ZNF407: variants seen among roughly 807,000 people sequenced by gnomAD.
ZNF407 encodes zinc finger protein 407.
ZNF407 carries 17 observed loss-of-function variants against 131.2 expected under a neutral mutation model. The ratio of observed to expected loss-of-function variants is 0.13; its 90% CI spans 0.09 to 0.19. ZNF407 has a LOEUF of 0.19. Ranked by LOEUF, ZNF407 falls within the 10% of genes least tolerant of loss-of-function variation. The pLI is 1.00. For synonymous variants in ZNF407, 1,156 were observed against 1,062.0 expected, an observed-to-expected ratio of 1.09 and a Z score of -1.72; for missense variants, 2,681 against 2,830.6, an observed-to-expected ratio of 0.95 and a Z score of 1.20.
rs1971174058 is a variant in ZNF407, at chr18:74,877,381, C to T, written c.5044+18C>T. On this transcript the variant is annotated intron_variant, in intron 5 of 8. Transcript: ENST00000299687. ...GCACACAGGTGTGCCGCGCCGCCTT[C>T]CTATCCCAGGAGGCTGGGCAGAGGT... 1.2e-6 allele frequency: 2 copies of T among 1,608,476 alleles called. No individual in the cohort carries two copies. The highest frequency in any genetic ancestry group is 2.2e-5 in the East Asian group (1 of 44,776).
chr18:74,657,093 T>G (rs1276826086), intron 3 of ZNF407, among the ~76,000 whole-genome samples: 1 of 151,912 alleles, frequency 6.6e-6, no homozygotes, highest in East Asian at 1.9e-4. Context: ...TTTTTTTTTT[T>G]TTTTTTAATT....
intron 3 of ZNF407, among the ~76,000 whole-genome samples, chr18:74,657,496 A>G (rs570394723): frequency 4.6e-5 from 7 of 152,294 alleles, no homozygotes; most frequent in African/African-American, 1.7e-4. Context: ...ATTTGATGTG[A>G]TAAACCTGGT....
intron 8 of ZNF407, among the ~76,000 whole-genome samples, chr18:74,967,445 G>T (rs1319946818): frequency 1.3e-5 from 2 of 152,098 alleles, no homozygotes; most frequent in Admixed American, 1.3e-4. Context: ...TGCAGTTTTA[G>T]TACTTAAAAA....
intron 5 of ZNF407, among the ~76,000 whole-genome samples, chr18:74,879,776 A>G (rs1971213453): frequency 1.3e-5 from 2 of 152,218 alleles, no homozygotes; most frequent in Admixed American, 1.3e-4. Context: ...ATTAAGCGTA[A>G]TTTGGTTAAA....
intron 8 of ZNF407, among the ~76,000 whole-genome samples, chr18:74,937,528 A>G (rs1215547484): frequency 6.6e-6 from 1 of 152,172 alleles, no homozygotes; most frequent in Non-Finnish European, 1.5e-5. Flanking sequence ...CACCATCCCA[A>G]AAGTTTTATC....
At chr18:74,791,770 C>T (rs1969829887) in intron 4 of ZNF407, among the ~76,000 whole-genome samples, 1 of 152,144 alleles carries the variant, frequency 6.6e-6, no homozygotes, top group South Asian at 2.1e-4. Context: ...AGGCGTTTAT[C>T]CTGTCTCCAG....
chr18:74,898,970 C>T (rs2145205783), intron 7 of ZNF407, among the ~76,000 whole-genome samples: 1 of 152,284 alleles, frequency 6.6e-6, no homozygotes, highest in South Asian at 2.1e-4. Flanking sequence ...AGACTCTGTT[C>T]CACTCTGCAC....
chr18:74,864,520 G>C (rs537159813), intron 4 of ZNF407, among the ~76,000 whole-genome samples: 175 of 152,238 alleles, frequency 1.1e-3, no homozygotes, highest in Non-Finnish European at 1.4e-3. Context: ...TAACTTATCA[G>C]AACACTTCTC....
chr18:74,714,324 G>T (rs1452552371), intron 3 of ZNF407, among the ~76,000 whole-genome samples: 1 of 152,192 alleles, frequency 6.6e-6, no homozygotes, highest in Non-Finnish European at 1.5e-5. Flanking sequence ...GGCTCTGTGG[G>T]ATACTGATGG....
At chr18:75,035,875 T>C (rs1973302488) in intron 8 of ZNF407, among the ~76,000 whole-genome samples, 1 of 152,248 alleles carries the variant, frequency 6.6e-6, no homozygotes. Flanking sequence ...TAGGTATTAG[T>C]GTCAAGAAGA....
At position 75,033,160 on chromosome 18, in the gene ZNF407, C is replaced by A. The variant is rs560518057; in HGVS notation, c.5429-29990C>A. On this transcript the variant is annotated intron_variant, in intron 8 of 8. Transcript: ENST00000299687. ...GGAAGACAGTATTAGATAACTAAGA[C>A]TGCTCAGAATGGGGGGAAGACAGTA... Among the ~76,000 whole-genome samples, 701 of 79,946 alleles carry A rather than the reference C, an allele frequency of 8.8e-3. 7 individuals are homozygous for A. The highest frequency in any genetic ancestry group is 0.034 in the African/African-American group (677 of 19,676). The allele number at this position is 79,946 out of a possible 152,430, so 52.4% of individuals were successfully genotyped here. A position where few individuals can be genotyped will look rare whatever the true frequency, so the allele number is the denominator to read the frequency against.
At chr18:74,843,392 C>T (rs1970660757) in intron 4 of ZNF407, among the ~76,000 whole-genome samples, 1 of 152,110 alleles carries the variant, frequency 6.6e-6, no homozygotes, top group South Asian at 2.1e-4. Context: ...TTTACCTTAA[C>T]ACAAATTTGA....
At chr18:74,788,465 C>T (rs979305663) in intron 4 of ZNF407, among the ~76,000 whole-genome samples, 22 of 152,020 alleles carry the variant, frequency 1.4e-4, no homozygotes, top group East Asian at 5.8e-4. Flanking sequence ...TTTAAAAACA[C>T]GCTTGCTTCT....
At chr18:74,807,624 T>C (rs900779816) in intron 4 of ZNF407, among the ~76,000 whole-genome samples, 3 of 152,172 alleles carry the variant, frequency 2.0e-5, no homozygotes, top group African/African-American at 7.2e-5. Flanking sequence ...TAAAGTAATA[T>C]TTGTACCACT....
intron 8 of ZNF407, among the ~76,000 whole-genome samples, chr18:75,055,128 T>G (rs1174243095): frequency 6.6e-6 from 1 of 152,192 alleles, no homozygotes; most frequent in African/African-American, 2.4e-5. Context: ...CCACCACTCC[T>G]CCCCGTGCTT....
Position 75,064,703 on chromosome 18 carries a change from G to T in ZNF407, c.*235G>T. On this transcript the variant is annotated 3_prime_UTR_variant, in exon 9 of 9. Coordinates refer to ENST00000299687, the MANE Select transcript of ZNF407 (RefSeq NM_017757.3). The stretch of plus-strand genomic sequence containing the variant: ...TGCCAAGTGCAGGGGAGGGCCGGGC[G>T]CAGGCCGCACAGGGAGCTCCGGTCC... 1 of 440,114 alleles carries T rather than the reference G, an allele frequency of 2.3e-6. No individual in the cohort carries two copies. Among genetic ancestry groups the T allele is most frequent in the Non-Finnish European group, 4.0e-6 (1 of 250,060 alleles). The allele number at this position is 440,114 out of a possible 1,614,324, so 27.3% of individuals were successfully genotyped here.
At position 74,766,988 on chromosome 18, in the gene ZNF407, T is replaced by C. The variant is rs60264198; in HGVS notation, c.4803-14440T>C. On this transcript the variant is annotated intron_variant, in intron 3 of 8. Transcript: ENST00000299687. ...GTGCGGTGGCACAGTCTCTGCTCAC[T>C]GCAACCTCCGTCTGCCAGCTTCAAG... is the stretch of plus-strand genomic sequence containing the variant. Among the ~76,000 whole-genome samples, 348 of 152,326 alleles carry C rather than the reference T, an allele frequency of 2.3e-3. 2 individuals are homozygous for C. The highest frequency in any genetic ancestry group is 8.0e-3 in the African/African-American group (332 of 41,582).
intron 8 of ZNF407, among the ~76,000 whole-genome samples, chr18:74,999,608 T>C (rs1448970518): frequency 1.3e-5 from 2 of 152,238 alleles, no homozygotes; most frequent in Non-Finnish European, 2.9e-5. Context: ...AATCATTGTA[T>C]TGAAGAATAA....
intron 4 of ZNF407, among the ~76,000 whole-genome samples, chr18:74,857,571 A>G (rs1392303818): frequency 2.0e-5 from 3 of 152,212 alleles, no homozygotes; most frequent in Admixed American, 6.5e-5. Flanking sequence ...CATTCTAAAA[A>G]AAAAATCAGA....
Sources: gnomAD v4.1 joint callset for allele counts (sites outside exome capture counted in the v4.1 genomes callset) on GRCh38, gnomAD v4.1.1 for gene constraint, MANE v1.5 for transcripts, NCBI Gene and HGNC (gene_info 2026-07-23, HGNC 2026-07-21) for gene names.